DSCAM: variants seen among roughly 807,000 people sequenced by gnomAD.
The protein encoded by DSCAM is cell adhesion molecule DSCAM.
DSCAM carries 47 observed loss-of-function variants against 217.7 expected under a neutral mutation model. That is an observed-to-expected ratio of 0.22 (90% CI 0.17 to 0.28). The LOEUF (loss-of-function observed/expected upper bound fraction) is 0.28. Among genes scored for constraint, DSCAM ranks in the 10% least tolerant of loss-of-function variants. The probability of loss-of-function intolerance (pLI) is 1.00; values close to 1 mark genes in which losing one functional copy is unlikely to be tolerated. For missense variants in DSCAM, 2,080 were observed against 2,618.3 expected, an observed-to-expected ratio of 0.79 and a Z score of 4.49; for synonymous variants, 1,056 against 1,015.3, an observed-to-expected ratio of 1.04 and a Z score of -0.76.
chr21:40,471,807 A>T (rs924817526), intron 3 of DSCAM, among the ~76,000 whole-genome samples: 2 of 152,102 alleles, frequency 1.3e-5, no homozygotes, highest in Non-Finnish European at 2.9e-5. Context: ...TTTTTATTTT[A>T]TTATACTTTA....
At chr21:40,638,708 G>A (rs939227760) in intron 3 of DSCAM, among the ~76,000 whole-genome samples, 2 of 152,086 alleles carry the variant, frequency 1.3e-5, no homozygotes, top group African/African-American at 2.4e-5. Flanking sequence ...CAGCAATTAC[G>A]AGAAAAATGA....
At chr21:40,190,015 T>G (rs2090938252) in intron 11 of DSCAM, among the ~76,000 whole-genome samples, 1 of 152,202 alleles carries the variant, frequency 6.6e-6, no homozygotes, top group African/African-American at 2.4e-5. Context: ...TAACCACTTT[T>G]CACAATGCCC....
chr21:40,668,054 C>A (rs747792550), intron 3 of DSCAM, among the ~76,000 whole-genome samples: 6 of 152,186 alleles, frequency 3.9e-5, no homozygotes, highest in Non-Finnish European at 8.8e-5. Flanking sequence ...ATTAACTCTG[C>A]TATCCCATAG....
chr21:40,484,216 G>T lies in DSCAM; in HGVS notation c.509-114971C>A, dbSNP rs140359991. On this transcript the variant is annotated intron_variant, in intron 3 of 32. Transcript: ENST00000400454. ...AATATTTCACCGTCTCAAATATATTGTCCGGCAGAATTGTGAAAGGTGGAA... is the reference window on the plus strand; with the variant it reads ...AATATTTCACCGTCTCAAATATATTTTCCGGCAGAATTGTGAAAGGTGGAA... Among the ~76,000 whole-genome samples, 55 of 152,260 alleles carry T rather than the reference G, an allele frequency of 3.6e-4. 2 individuals carry two copies. In the East Asian group the frequency reaches 0.01, roughly 28 times the overall value.
In DSCAM at chr21:40,544,581, T is replaced by A. The variant is rs1479635664; in HGVS notation, c.508+148229A>T. Among the ~76,000 whole-genome samples the A allele has an allele frequency of 4.6e-5, 7 of 152,264 alleles. No individual in the cohort carries two copies. In the East Asian group the frequency reaches 9.7e-4, roughly 21 times the overall value. On this transcript the variant is annotated intron_variant, in intron 3 of 32. Coordinates refer to ENST00000400454, the MANE Select transcript of DSCAM (RefSeq NM_001389.5). ...CCACAAGCCAAGGAATGCTGAAGAATGCCTGGGGCCACCAGAAACTGGAAG... is the reference window on the plus strand; with the variant it reads ...CCACAAGCCAAGGAATGCTGAAGAAAGCCTGGGGCCACCAGAAACTGGAAG...
chr21:40,191,095 C>T (rs1317553431), intron 11 of DSCAM, among the ~76,000 whole-genome samples: 6 of 152,164 alleles, frequency 3.9e-5, no homozygotes, highest in Non-Finnish European at 7.3e-5. Context: ...CGTAAGACTT[C>T]CAAGGTACTT....
At chr21:40,074,832 G>A (rs2089341134) in intron 27 of DSCAM, among the ~76,000 whole-genome samples, 1 of 152,170 alleles carries the variant, frequency 6.6e-6, no homozygotes, top group Non-Finnish European at 1.5e-5. Context: ...CCTGATTTCT[G>A]ACCGAGATAG....
At chr21:40,620,174 AAGAG>A (rs1298937167) in intron 3 of DSCAM, among the ~76,000 whole-genome samples, 3 of 119,158 alleles carry the variant, frequency 2.5e-5, no homozygotes, top group South Asian at 2.9e-4. Context: ...GAGAGAGAGA[AAGAG>A]AGAGAAAAAA....
chr21:40,339,594 G>A (rs1040106267), intron 6 of DSCAM, among the ~76,000 whole-genome samples, 179 bp from the exon 7 acceptor site: 2 of 152,116 alleles, frequency 1.3e-5, no homozygotes, highest in African/African-American at 4.8e-5. Context: ...TTTCAAAACA[G>A]GTAAGCACAG....
chr21:40,602,860 T>C (rs2077072941), intron 3 of DSCAM, among the ~76,000 whole-genome samples: 1 of 152,040 alleles, frequency 6.6e-6, no homozygotes, highest in Admixed American at 6.6e-5. Flanking sequence ...ATTTTCTTTC[T>C]TCTGCTTGTT....
intron 1 of DSCAM, among the ~76,000 whole-genome samples, chr21:40,840,758 A>G (rs1385636483): frequency 6.6e-6 from 1 of 152,184 alleles, no homozygotes; most frequent in Non-Finnish European, 1.5e-5. Context: ...CCAGTGGTTT[A>G]GTCAGAATGC....
At chr21:40,749,789 G>T (rs999544285) in intron 1 of DSCAM, among the ~76,000 whole-genome samples, 2 of 152,138 alleles carry the variant, frequency 1.3e-5, no homozygotes, top group African/African-American at 4.8e-5. Context: ...TTACTCCAGC[G>T]CTGTTCACAG....
At chr21:40,673,935 C>A (rs1255518120) in intron 3 of DSCAM, among the ~76,000 whole-genome samples, 1 of 151,968 alleles carries the variant, frequency 6.6e-6, no homozygotes, top group African/African-American at 2.4e-5. Flanking sequence ...TCAGGTATTT[C>A]TTTACAGCAA....
chr21:40,684,894 G>C (rs928140472), intron 3 of DSCAM, among the ~76,000 whole-genome samples: 7 of 152,288 alleles, frequency 4.6e-5, no homozygotes, highest in Admixed American at 2.0e-4. Context: ...GATTGACTTA[G>C]CTGGCCATCT....
intron 3 of DSCAM, among the ~76,000 whole-genome samples, chr21:40,591,309 A>G (rs1318939760): frequency 6.6e-6 from 1 of 152,130 alleles, no homozygotes; most frequent in African/African-American, 2.4e-5. Context: ...TATAAACAAC[A>G]TAAATATTTT....
At chr21:40,438,187 T>C (rs187618559) in intron 3 of DSCAM, among the ~76,000 whole-genome samples, 20 of 152,222 alleles carry the variant, frequency 1.3e-4, no homozygotes, top group African/African-American at 4.8e-4. Context: ...ATGAAGGAGA[T>C]GAGATAATTT....
At chr21:40,173,168 T>C (rs2090677655) in intron 15 of DSCAM, among the ~76,000 whole-genome samples, 1 of 151,980 alleles carries the variant, frequency 6.6e-6, no homozygotes, top group Non-Finnish European at 1.5e-5. Context: ...ATAAGCAAAA[T>C]AAATCAACAA....
chr21:40,620,208 AAAG>A (rs2089477415), intron 3 of DSCAM, among the ~76,000 whole-genome samples: 1 of 132,422 alleles, frequency 7.6e-6, no homozygotes, highest in Non-Finnish European at 1.7e-5. Flanking sequence ...AGAAAGAGAG[AAAG>A]AGAGAGAAAA....
chr21:40,257,746 T>C (rs1407439176), intron 11 of DSCAM, among the ~76,000 whole-genome samples: 1 of 152,144 alleles, frequency 6.6e-6, no homozygotes, highest in Non-Finnish European at 1.5e-5. Context: ...CAAACGTTAA[T>C]TTTTTTAATG....
Sources: gnomAD v4.1 joint callset for allele counts (sites outside exome capture counted in the v4.1 genomes callset) on GRCh38, gnomAD v4.1.1 for gene constraint, MANE v1.5 for transcripts, NCBI Gene and HGNC (gene_info 2026-07-23, HGNC 2026-07-21) for gene names.